The following SLC16A9 variants were observed in gnomAD, a reference collection of about 807,000 sequenced individuals.
SLC16A9 encodes the protein solute carrier family 16 member 9, also known as monocarboxylate transporter 9.
In SLC16A9, 26 loss-of-function variants were observed where a neutral mutation model predicts 44.3. The observed-to-expected ratio is 0.59, with a 90% CI of 0.43 to 0.81. SLC16A9 has a LOEUF of 0.81. Ranked by LOEUF, SLC16A9 falls within the 40% of genes least tolerant of loss-of-function variation. The pLI is 0.00. For synonymous variants in SLC16A9, 230 were observed against 225.1 expected, an observed-to-expected ratio of 1.02 and a Z score of -0.19; for missense variants, 559 against 595.8, an observed-to-expected ratio of 0.94 and a Z score of 0.64.
chr10:59,697,042 T>G (rs1184073), intron 1 of SLC16A9, among the ~76,000 whole-genome samples: 2 of 82,298 alleles, frequency 2.4e-5, no homozygotes, highest in African/African-American at 5.0e-5. Flanking sequence ...CGCCTCTGCC[T>G]GGCCGCCCCT....
chr10:59,693,331 A>G (rs1171641), intron 1 of SLC16A9, among the ~76,000 whole-genome samples: 148,632 of 152,308 alleles, frequency 0.98, 72,640 homozygotes, highest in Middle Eastern at 1. Context: ...TATAGTCACT[A>G]GATCAATTTT....
intron 4 of SLC16A9, among the ~76,000 whole-genome samples, chr10:59,661,570 G>T (rs1015055038): frequency 6.6e-6 from 1 of 152,114 alleles, no homozygotes; most frequent in African/African-American, 2.4e-5. Context: ...TGGCCATACT[G>T]CCAAAGGTAA....
At chr10:59,705,377 G>T (rs980703052) in intron 1 of SLC16A9, among the ~76,000 whole-genome samples, 2 of 152,066 alleles carry the variant, frequency 1.3e-5, no homozygotes, top group East Asian at 1.9e-4. Flanking sequence ...ATAGTTCAAA[G>T]CACAGACTCT....
intron 1 of SLC16A9, among the ~76,000 whole-genome samples, chr10:59,695,263 A>T (rs771978190): frequency 2.2e-4 from 33 of 152,142 alleles, no homozygotes; most frequent in Non-Finnish European, 2.9e-4. Context: ...TACTCTGAAT[A>T]TACTAAAGCC....
intron 1 of SLC16A9, among the ~76,000 whole-genome samples, chr10:59,701,033 C>A (rs2132544922): frequency 6.6e-6 from 1 of 152,302 alleles, no homozygotes; most frequent in South Asian, 2.1e-4. Context: ...GAATTTTTCA[C>A]CATTTTCCAT....
intron 4 of SLC16A9, among the ~76,000 whole-genome samples, chr10:59,658,021 C>T (rs746550251): frequency 1.2e-4 from 19 of 152,182 alleles, no homozygotes; most frequent in Non-Finnish European, 1.8e-4. Flanking sequence ...ACTGATAGAA[C>T]AGACTCTTTA....
chr10:59,669,798 GA>G (rs530695961), intron 3 of SLC16A9, among the ~76,000 whole-genome samples: 1,914 of 137,798 alleles, frequency 0.014, 32 homozygotes, highest in African/African-American at 0.043. Context: ...CGTCTCGAAA[GA>G]AAAAAAAAAA....
chr10:59,683,108 C>T (rs1197095758), intron 2 of SLC16A9, among the ~76,000 whole-genome samples: 1 of 151,958 alleles, frequency 6.6e-6, no homozygotes, highest in African/African-American at 2.4e-5. Flanking sequence ...TGAAAAATAC[C>T]TTACAAATCA....
chr10:59,701,135 C>A (rs540814577), intron 1 of SLC16A9, among the ~76,000 whole-genome samples: 2 of 152,302 alleles, frequency 1.3e-5, no homozygotes, highest in East Asian at 3.9e-4. Flanking sequence ...CATGACCGTA[C>A]TTCCATTTGC....
At chr10:59,690,067 G>T (rs1412951055) in intron 1 of SLC16A9, among the ~76,000 whole-genome samples, 1 of 152,088 alleles carries the variant, frequency 6.6e-6, no homozygotes, top group Non-Finnish European at 1.5e-5. Context: ...TGCACCTGTG[G>T]TCCCAGCTAC....
At position 59,680,348 on chromosome 10, in the gene SLC16A9, G is replaced by A. The variant is rs1383340394; in HGVS notation, c.196+3748C>T. On this transcript the variant is annotated intron_variant, in intron 2 of 5. Transcript: ENST00000395348. ...TGAGCTACTGTCCAAATCTAGGTTTGCCAAAGCCCAGGAGTAGGACTTTAT... is the reference window on the plus strand; with the variant it reads ...TGAGCTACTGTCCAAATCTAGGTTTACCAAAGCCCAGGAGTAGGACTTTAT... 2.0e-5 allele frequency among the ~76,000 whole-genome samples: 3 copies of A among 152,138 alleles called. No homozygotes were observed. The East Asian group carries it at 5.8e-4, about 29-fold the overall frequency.
intron 1 of SLC16A9, among the ~76,000 whole-genome samples, chr10:59,693,154 C>A (rs1840288146): frequency 6.6e-6 from 1 of 152,196 alleles, no homozygotes; most frequent in Non-Finnish European, 1.5e-5. Context: ...GCAACAGTGT[C>A]AACACACTTA....
chr10:59,672,780 G>T lies in SLC16A9; in HGVS notation c.330C>A (p.Gly110=), dbSNP rs763152956. The T allele has an allele frequency of 6.2e-7, 1 of 1,613,036 alleles. No homozygotes were observed. Among genetic ancestry groups the T allele is most frequent in the Non-Finnish European group, 8.5e-7 (1 of 1,179,566 alleles). The change falls in exon 3 of 6, where the codon GGC becomes GGA. Residue 110 remains glycine (G), a synonymous_variant. Coordinates refer to ENST00000395348, the MANE Select transcript of SLC16A9 (RefSeq NM_194298.3). ...GACGAGGTTCCTTACCTACAACAAT[G>T]CCATAGGAAAAAAACAGAAAGTAGA... is the stretch of plus-strand genomic sequence containing the variant. ...PNIYFLFFSY[G]IVVGLGCGLL...
chr10:59,706,208 T>C (rs2132557332), intron 1 of SLC16A9, among the ~76,000 whole-genome samples: 1 of 152,196 alleles, frequency 6.6e-6, no homozygotes, highest in East Asian at 1.9e-4. Context: ...CAGATATTTG[T>C]AAATCTATTT....
intron 1 of SLC16A9, among the ~76,000 whole-genome samples, chr10:59,691,910 A>AT: frequency 6.6e-6 from 1 of 152,160 alleles, no homozygotes; most frequent in East Asian, 1.9e-4. Context: ...CACTATACTA[A>AT]TTTTTGCCAA....
chr10:59,673,384 C>T (rs1418946388), intron 2 of SLC16A9, among the ~76,000 whole-genome samples: 1 of 152,142 alleles, frequency 6.6e-6, no homozygotes, highest in Non-Finnish European at 1.5e-5. Context: ...TGGGCAACAG[C>T]TCATGTAACA....
chr10:59,670,149 C>A (rs954254229), intron 3 of SLC16A9, among the ~76,000 whole-genome samples: 4 of 152,154 alleles, frequency 2.6e-5, no homozygotes, highest in African/African-American at 9.7e-5. Context: ...TAGCCAAAAA[C>A]TACTGCTGTA....
intron 2 of SLC16A9, among the ~76,000 whole-genome samples, chr10:59,680,589 T>A (rs989469916): frequency 6.6e-6 from 1 of 152,228 alleles, no homozygotes; most frequent in African/African-American, 2.4e-5. Flanking sequence ...AAGCAAATCA[T>A]ATATCAGAGA....
intron 1 of SLC16A9, among the ~76,000 whole-genome samples, chr10:59,695,979 C>G (rs1840361890): frequency 6.6e-6 from 1 of 152,194 alleles, no homozygotes; most frequent in African/African-American, 2.4e-5. Context: ...GCACATTTCT[C>G]TAGCATCTGG....
Sources: allele counts gnomAD v4.1 joint callset (sites outside exome capture counted in the v4.1 genomes callset), GRCh38; gene constraint gnomAD v4.1.1; transcripts MANE v1.5; gene names NCBI Gene and HGNC (gene_info 2026-07-23, HGNC 2026-07-21).